The following C1orf216 variants were observed in gnomAD, a reference collection of about 807,000 sequenced individuals.
C1orf216 encodes the protein chromosome 1 open reading frame 216.
In C1orf216, 18 loss-of-function variants were observed where a neutral mutation model predicts 16.4. The ratio of observed to expected loss-of-function variants is 1.10; its 90% confidence interval spans 0.76 to 1.63. The LOEUF (loss-of-function observed/expected upper bound fraction) is 1.63, where lower values mean the gene tolerates loss of function less well. C1orf216 is among the 40% of genes most tolerant of loss of function. The probability of loss-of-function intolerance (pLI) is 0.00; values close to 1 mark genes in which losing one functional copy is unlikely to be tolerated. For missense variants in C1orf216, 271 were observed against 297.6 expected (o/e 0.91, Z 0.66); for synonymous variants, 115 against 116.9 (o/e 0.98, Z 0.11).
In C1orf216 at chr1:35,716,048, CGGGAATCTCTGCCCCCTCTG is replaced by C. The variant is rs1557487134; in HGVS notation, c.254_273del (p.Pro85ArgfsTer3). The C allele has an allele frequency of 1.2e-6, 2 of 1,614,096 alleles. No homozygotes were observed. Among genetic ancestry groups the C allele is most frequent in the African/African-American group, 2.7e-5 (2 of 75,060 alleles). On this transcript the variant is annotated frameshift_variant, in exon 2 of 2. Transcript: ENST00000270815. LOFTEE classifies it high-confidence loss of function. ...CCACCCATCTTCTCAGGCTCAGCCC[CGGGAATCTCTGCCCCCTCTG>C]GGGGGCTGCGCACCCCTTCCTCAGG...
intron 1 of C1orf216, among the ~76,000 whole-genome samples, chr1:35,718,488 T>A (rs2148603247): frequency 6.6e-6 from 1 of 151,890 alleles, no homozygotes; most frequent in East Asian, 1.9e-4. Flanking sequence ...GATCACAGGG[T>A]TCTCAGAGAT....
rs1640950039 is a variant in C1orf216, at chr1:35,716,013, T to C, written c.309A>G (p.Thr103=). 3 of 1,614,006 alleles carry C rather than the reference T, an allele frequency of 1.9e-6. No homozygotes were observed. In the South Asian group the frequency reaches 3.3e-5, roughly 18 times the overall value. The change falls in exon 2 of 2, where the codon ACA becomes ACG. Residue 103 remains threonine (T), a synonymous_variant. Transcript: ENST00000270815. ...AEPEKMGGAG[T]VCSPLEDNGY... is the part of the protein sequence containing the mutation. ...CGTTGTCCTCCAGAGGGGAGCAGACTGTGCCAGCACCACCCATCTTCTCAG... is the reference window on the plus strand; with the variant it reads ...CGTTGTCCTCCAGAGGGGAGCAGACCGTGCCAGCACCACCCATCTTCTCAG...
At position 35,716,727 on chromosome 1, in the gene C1orf216, T is replaced by C. The variant is rs544322504; in HGVS notation, c.-5-401A>G. The C allele has an allele frequency of 1.0e-4, 20 of 199,462 alleles. No homozygotes were observed. The South Asian group carries it at 1.7e-3, about 17-fold the overall frequency. The allele number at this position is 199,462 out of a possible 1,614,324, so 12.4% of individuals were successfully genotyped here. A position where few individuals can be genotyped will look rare whatever the true frequency, so the allele number is the denominator to read the frequency against. On this transcript the variant is annotated intron_variant, in intron 1 of 1. Transcript: ENST00000270815. The stretch of plus-strand genomic sequence containing the variant: ...TTCTACATAACCAGTCCAGGCATGG[T>C]GGCTCATACCTGTAATCCCAGCACT...
At position 35,716,180 on chromosome 1, in the gene C1orf216, C is replaced by T; in HGVS notation, c.142G>A (p.Gly48Arg). 1.2e-6 allele frequency: 2 copies of T among 1,614,276 alleles called. No homozygotes were observed. The highest frequency in any genetic ancestry group is 1.7e-6 in the Non-Finnish European group (2 of 1,180,046). The change falls in exon 2 of 2, where the codon GGG (glycine) becomes AGG (arginine). Residue 48 changes from glycine (G) to arginine (R), a missense_variant. Coordinates refer to ENST00000270815, the MANE Select transcript of C1orf216 (RefSeq NM_152374.2). ...ATAGGTTCCACTCTGCCTGGCATCC[C>T]ATGCCAATTCTCGTTAGCATCCTTG... ...SAKDANENWH[G>R]MPGRVEPILR...
Position 35,716,121 on chromosome 1 carries a change from G to C in C1orf216, c.201C>G (p.Asp67Glu), listed in dbSNP as rs374094788. 15 of 1,614,092 alleles carry C rather than the reference G, an allele frequency of 9.3e-6. No homozygotes were observed. The highest frequency in any genetic ancestry group is 1.6e-4 in the Middle Eastern group (1 of 6,084). Reference sequence around the variant, plus strand: ...ATCCAGGGGCCTGGAAGGCTTGGTTGTCAGAGGGTGACTCAGAGGAGCTCC... The same window carrying C: ...ATCCAGGGGCCTGGAAGGCTTGGTTCTCAGAGGGTGACTCAGAGGAGCTCC... The part of the protein sequence containing the change: ...LRRSSSESPS[D>E]NQAFQAPGSP... Residue 67 changes from aspartate to glutamate, a missense_variant, in exon 2 of 2, where the codon GAC becomes GAG. Asp to Glu is a conservative substitution (Grantham distance 45, BLOSUM62 2). Coordinates refer to ENST00000270815, the MANE Select transcript of C1orf216 (RefSeq NM_152374.2).
rs183543037 is a variant in C1orf216, at chr1:35,716,304, T to C, written c.18A>G (p.Pro6=). Residue 6 remains proline (P), a synonymous_variant, in exon 2 of 2, where the codon CCA becomes CCG. Transcript: ENST00000270815. Reference sequence around the variant, plus strand: ...GGAATTGGCCCCCCTCAGCTAGCCCTGGCTGGATGGCGAACATCTAGCCTG... The same window carrying C: ...GGAATTGGCCCCCCTCAGCTAGCCCCGGCTGGATGGCGAACATCTAGCCTG... MFAIQ[P]GLAEGGQFLG... 178 of 1,612,968 alleles carry C rather than the reference T, an allele frequency of 1.1e-4. 1 individual carries two copies. In the Middle Eastern group the frequency reaches 3.5e-3, roughly 31 times the overall value.
chr1:35,718,123 C>T (rs963017712), intron 1 of C1orf216, among the ~76,000 whole-genome samples: 1 of 152,196 alleles, frequency 6.6e-6, no homozygotes, highest in East Asian at 1.9e-4. Flanking sequence ...TACCACACCA[C>T]TCTTCTCTCC....
In C1orf216 at chr1:35,715,199, C is replaced by A; in HGVS notation, c.*433G>T. On this transcript the variant is annotated 3_prime_UTR_variant, in exon 2 of 2. Coordinates refer to ENST00000270815, the MANE Select transcript of C1orf216 (RefSeq NM_152374.2). The surrounding 1 kb of genome is among the most constrained non-coding windows in gnomAD (Gnocchi z 4.3). ...TGCCTGTGGCCAAACATGTGCACCCCTGCACACACAAGGGCTTCCTCACAT... is the reference window on the plus strand; with the variant it reads ...TGCCTGTGGCCAAACATGTGCACCCATGCACACACAAGGGCTTCCTCACAT... 4.7e-6 allele frequency: 1 copy of A among 213,048 alleles called. No homozygotes were observed. The highest frequency in any genetic ancestry group is 1.2e-4 in the East Asian group (1 of 8,552). 13.2% of individuals were successfully genotyped at this position (213,048 alleles called of 1,614,324 possible). A position where few individuals can be genotyped will look rare whatever the true frequency, so the allele number is the denominator to read the frequency against.
In C1orf216 at chr1:35,716,133, C is replaced by T. The variant is rs1323468630; in HGVS notation, c.189G>A (p.Glu63=). 1 of 1,614,116 alleles carries T rather than the reference C, an allele frequency of 6.2e-7. No homozygotes were observed. Among genetic ancestry groups the T allele is most frequent in the Non-Finnish European group, 8.5e-7 (1 of 1,180,028 alleles). Residue 63 remains glutamate, a synonymous_variant, in exon 2 of 2, where the codon GAG becomes GAA. Coordinates refer to ENST00000270815, the MANE Select transcript of C1orf216 (RefSeq NM_152374.2). ...GGAAGGCTTGGTTGTCAGAGGGTGA[C>T]TCAGAGGAGCTCCTCCTCAGGATAG... ...VEPILRRSSS[E]SPSDNQAFQA...
In C1orf216 at chr1:35,716,302, C is replaced by T. The variant is rs769788509; in HGVS notation, c.20G>A (p.Gly7Glu). Residue 7 changes from glycine to glutamate, a missense_variant, in exon 2 of 2, where the codon GGG becomes GAG. By Grantham distance (98) the Gly-to-Glu change is moderately conservative. Around this residue, in one of 3 missense-constraint regions of C1orf216, gnomAD observed 44 missense variants for 46.0 expected, o/e 0.96. Coordinates refer to ENST00000270815, the MANE Select transcript of C1orf216 (RefSeq NM_152374.2). ...CAGGAATTGGCCCCCCTCAGCTAGC[C>T]CTGGCTGGATGGCGAACATCTAGCC... Reference protein sequence around the residue: MFAIQPGLAEGGQFLGD... With the variant: MFAIQPELAEGGQFLGD... The T allele has an allele frequency of 3.1e-6, 5 of 1,613,238 alleles. No homozygotes were observed. Among genetic ancestry groups the T allele is most frequent in the Non-Finnish European group, 4.2e-6 (5 of 1,179,590 alleles).
rs750653863 is a variant in C1orf216, at chr1:35,715,936, G to C, written c.386C>G (p.Pro129Arg). 1.9e-6 allele frequency: 3 copies of C among 1,614,160 alleles called. No individual in the cohort carries two copies. The highest frequency in any genetic ancestry group is 2.2e-5 in the South Asian group (2 of 91,082). Residue 129 changes from proline (P) to arginine (R), a missense_variant, in exon 2 of 2, where the codon CCT becomes CGT. Coordinates refer to ENST00000270815, the MANE Select transcript of C1orf216 (RefSeq NM_152374.2). The surrounding 1 kb of genome is among the most constrained non-coding windows in gnomAD (Gnocchi z 4.3). ...SIDSRSSSPE[P>R]ACGTPRGPGP... ...AGGGCCTCGCGGGGTCCCACAGGCAGGCTCAGGACTGCTGCTACGGCTGTC... is the reference window on the plus strand; with the variant it reads ...AGGGCCTCGCGGGGTCCCACAGGCACGCTCAGGACTGCTGCTACGGCTGTC...
chr1:35,715,373 C>G lies in C1orf216; in HGVS notation c.*259G>C. The G allele has an allele frequency of 3.7e-6, 2 of 533,448 alleles. No homozygotes were observed. Among genetic ancestry groups the G allele is most frequent in the South Asian group, 4.6e-5 (2 of 43,500 alleles). 33.0% of individuals were successfully genotyped at this position (533,448 alleles called of 1,614,324 possible). On this transcript the variant is annotated 3_prime_UTR_variant, in exon 2 of 2. Transcript: ENST00000270815. The surrounding 1 kb of genome is among the most constrained non-coding windows in gnomAD (Gnocchi z 4.3). ...GTTCCTCATTCTTACATACTACACACACACACATATGTTCACTCTTACATG... is the reference window on the plus strand; with the variant it reads ...GTTCCTCATTCTTACATACTACACAGACACACATATGTTCACTCTTACATG...
chr1:35,715,786 G>A lies in C1orf216; in HGVS notation c.536C>T (p.Ala179Val), dbSNP rs377627898. Residue 179 changes from alanine to valine, a missense_variant, in exon 2 of 2, where the codon GCA becomes GTA. Physicochemically the swap from Ala to Val is moderately conservative, Grantham distance 64. Transcript: ENST00000270815. The surrounding 1 kb of genome is among the most constrained non-coding windows in gnomAD (Gnocchi z 4.3). ...HVHLVMYRRL[A>V]LLQWIRGLQH... ...CAGGCCCCGGATCCACTGGAGCAGT[G>A]CCAGGCGACGGTACATCACCAAGTG... 1.2e-6 allele frequency: 2 copies of A among 1,614,080 alleles called. No homozygotes were observed. The highest frequency in any genetic ancestry group is 2.7e-5 in the African/African-American group (2 of 74,932).
rs1257040756 is a variant in C1orf216, at chr1:35,715,438, CAT to C, written c.*192_*193del. The C allele has an allele frequency of 9.5e-6, 6 of 629,416 alleles. No individual in the cohort carries two copies. Among genetic ancestry groups the C allele is most frequent in the East Asian group, 2.8e-5 (1 of 36,186 alleles). 39.0% of individuals were successfully genotyped at this position (629,416 alleles called of 1,614,324 possible). A position where few individuals can be genotyped will look rare whatever the true frequency, so the allele number is the denominator to read the frequency against. On this transcript the variant is annotated 3_prime_UTR_variant, in exon 2 of 2. Transcript: ENST00000270815. This position sits in a 1 kb window ranked among gnomAD's most constrained non-coding sequence, Gnocchi z 4.3. ...TGCAGATAAATTAGCTGTGTGTACA[CAT>C]GTGCACACAGCACACTTAAGCTCAT...
chr1:35,716,945 C>G (rs1454412890), intron 1 of C1orf216: 1 of 153,192 alleles, frequency 6.5e-6, no homozygotes, highest in Non-Finnish European at 1.5e-5. Context: ...TTCAGTGAGC[C>G]GAGATTGCGC....
In C1orf216 at chr1:35,714,733, ATG is replaced by A. The variant is rs1041537903; in HGVS notation, c.*897_*898del. On this transcript the variant is annotated 3_prime_UTR_variant, in exon 2 of 2. Transcript: ENST00000270815. ...CAGAGTTCAAGAGGGACAGTCCCCTATGTCCTCTGTCCCCATCCCCACCATCA... is the reference window on the plus strand; with the variant it reads ...CAGAGTTCAAGAGGGACAGTCCCCTATCCTCTGTCCCCATCCCCACCATCA... The A allele has an allele frequency of 6.6e-6, 1 of 152,282 alleles. No homozygotes were observed. The highest frequency in any genetic ancestry group is 2.4e-5 in the African/African-American group (1 of 41,388). 9.4% of individuals were successfully genotyped at this position (152,282 alleles called of 1,614,324 possible). A position where few individuals can be genotyped will look rare whatever the true frequency, so the allele number is the denominator to read the frequency against.
At position 35,716,057 on chromosome 1, in the gene C1orf216, CTGCCCCCTCTG is replaced by C; in HGVS notation, c.254_264del (p.Pro85ArgfsTer6). The C allele has an allele frequency of 2.5e-6, 4 of 1,614,140 alleles. No homozygotes were observed. The highest frequency in any genetic ancestry group is 3.4e-6 in the Non-Finnish European group (4 of 1,180,036). On this transcript the variant is annotated frameshift_variant, in exon 2 of 2. Transcript: ENST00000270815. LOFTEE classifies it high-confidence loss of function. ...TTCTCAGGCTCAGCCCCGGGAATCT[CTGCCCCCTCTG>C]GGGGGCTGCGCACCCCTTCCTCAGG...
In C1orf216 at chr1:35,714,606, GGTTT is replaced by G. The variant is rs1252098396; in HGVS notation, c.*1022_*1025del. 2.0e-5 allele frequency: 3 copies of G among 152,200 alleles called. No homozygotes were observed. Among genetic ancestry groups the G allele is most frequent in the Non-Finnish European group, 4.4e-5 (3 of 68,044 alleles). 9.4% of individuals were successfully genotyped at this position (152,200 alleles called of 1,614,324 possible). ...ACAGCTCCTTTTCCAATGGAGAGAT[GGTTT>G]GTTTGGGAACTGGTATTTTAGAATT... On this transcript the variant is annotated 3_prime_UTR_variant, in exon 2 of 2. Transcript: ENST00000270815.
Position 35,715,694 on chromosome 1 carries a change from T to C in C1orf216, c.628A>G (p.Lys210Glu). Residue 210 changes from lysine (K) to glutamate (E), a missense_variant, in exon 2 of 2, where the codon AAG becomes GAG. Physicochemically the swap from Lys to Glu is moderately conservative, Grantham distance 56. Coordinates refer to ENST00000270815, the MANE Select transcript of C1orf216 (RefSeq NM_152374.2). This position sits in a 1 kb window ranked among gnomAD's most constrained non-coding sequence, Gnocchi z 4.3. ...TGCTGGAGACAGCGAATAAGCTCCT[T>C]CCGGTTGTCTAGGATGGTGTCGAAG... ...ESFDTILDNR[K>E]ELIRCLQQRA... The C allele has an allele frequency of 1.2e-6, 2 of 1,614,072 alleles. No individual in the cohort carries two copies. Among genetic ancestry groups the C allele is most frequent in the Non-Finnish European group, 1.7e-6 (2 of 1,180,012 alleles).
Sources: gnomAD v4.1 joint callset for allele counts (sites outside exome capture counted in the v4.1 genomes callset) on GRCh38, gnomAD v4.1.1 for gene constraint, gnomAD v4.1.1 regional missense constraint, Gnocchi (gnomAD v3.1) non-coding constraint, MANE v1.5 for transcripts, NCBI Gene and HGNC (gene_info 2026-07-23, HGNC 2026-07-21) for gene names.